Variants in MTCH2 observed in about 807,000 individuals in gnomAD.
MTCH2 encodes the protein mitochondrial carrier 2.
MTCH2 carries 25 observed loss-of-function variants against 50.6 expected under a neutral mutation model. That is an observed-to-expected ratio of 0.49 (90% CI 0.36 to 0.69). MTCH2 has a LOEUF of 0.69. Among genes scored for constraint, MTCH2 ranks in the 30% least tolerant of loss-of-function variants. The pLI is 0.00. For synonymous variants in MTCH2, 106 were observed against 132.0 expected (o/e 0.80, Z 1.35); for missense variants, 273 against 384.4 (o/e 0.71, Z 2.42).
At chr11:47,637,452 G>A (rs73465688) in intron 3 of MTCH2, among the ~76,000 whole-genome samples, 2,071 of 152,126 alleles carry the variant, frequency 0.014, 54 homozygotes, top group African/African-American at 0.047. Flanking sequence ...AGCTGAAATC[G>A]CCTCACTTTC....
At chr11:47,638,545 C>CAAAAAAA (rs59317101) in intron 3 of MTCH2, among the ~76,000 whole-genome samples, 154 bp downstream of exon 3, 7 of 53,044 alleles carry the variant, frequency 1.3e-4, no homozygotes, top group African/African-American at 1.7e-4. Context: ...GACTCCATCT[C>CAAAAAAA]AAAAAAAAAA....
chr11:47,613,368 CAAAAAT>C (rs1372169572), downstream of MTCH2, among the ~76,000 whole-genome samples: 1 of 151,944 alleles, frequency 6.6e-6, no homozygotes, highest in African/African-American at 2.4e-5. Context: ...AAAACAAAAA[CAAAAAT>C]GCCAAAATAG....
At chr11:47,617,096 T>C (rs913760288), downstream of MTCH2, among the ~76,000 whole-genome samples, 3 of 152,128 alleles carry the variant, frequency 2.0e-5, no homozygotes, top group Non-Finnish European at 2.9e-5. Flanking sequence ...TATAGGACTC[T>C]GACTAGACCT....
intron 5 of MTCH2, 60 bp from the exon 6 acceptor site, chr11:47,631,771 G>C (rs371023319): frequency 4.2e-5 from 66 of 1,561,150 alleles, no homozygotes; most frequent in Non-Finnish European, 5.7e-5. Flanking sequence ...ATGCCTGTGA[G>C]AAGGAATGTG....
At position 47,628,896 on chromosome 11, in the gene MTCH2, A is replaced by T. The variant is rs981658094; in HGVS notation, c.633+57T>A. 12 of 1,496,224 alleles carry T rather than the reference A, an allele frequency of 8.0e-6. No individual in the cohort carries two copies. The Admixed American group carries it at 1.4e-4, about 17-fold the overall frequency. The allele number at this position is 1,496,224 out of a possible 1,614,324, so 92.7% of individuals were successfully genotyped here. A position where few individuals can be genotyped will look rare whatever the true frequency, so the allele number is the denominator to read the frequency against. On this transcript the variant is annotated intron_variant, in intron 9 of 12. Coordinates refer to ENST00000302503, the MANE Select transcript of MTCH2 (RefSeq NM_014342.4). ...CCCGGCCCATCTTACTTTAAAAGCT[A>T]ATCTAGCTGCCAGATTAAAGCCAAG...
At chr11:47,630,418 G>A (rs2097301960) in intron 8 of MTCH2, 137 bp downstream of exon 8, 1 of 740,394 alleles carries the variant, frequency 1.4e-6, no homozygotes, top group Admixed American at 2.5e-5. Flanking sequence ...AAAAATAAGG[G>A]GCCTAAATAG....
chr11:47,640,243 C>T (rs981458245), intron 1 of MTCH2, among the ~76,000 whole-genome samples: 5 of 151,904 alleles, frequency 3.3e-5, no homozygotes, highest in East Asian at 2.0e-4. Flanking sequence ...GCAGGACAGT[C>T]GCTTGAACCT....
chr11:47,631,682 A>T lies in MTCH2; in HGVS notation c.399T>A (p.Ala133=). 1.9e-6 allele frequency: 3 copies of T among 1,614,164 alleles called. No homozygotes were observed. The highest frequency in any genetic ancestry group is 2.5e-6 in the Non-Finnish European group (3 of 1,180,008). Reference sequence around the variant, plus strand: ...GGAAGGGATGTGTGATGAGGGTAGCAGCAGAACGAGCGATCATCTCTCGAG... The same window carrying T: ...GGAAGGGATGTGTGATGAGGGTAGCTGCAGAACGAGCGATCATCTCTCGAG... The part of the protein sequence containing the change: ...ETTREMIARS[A]ATLITHPFHV... Residue 133 remains alanine, a synonymous_variant, in exon 6 of 13, where the codon GCT becomes GCA. Coordinates refer to ENST00000302503, the MANE Select transcript of MTCH2 (RefSeq NM_014342.4).
At chr11:47,624,684 A>C (rs1037133071) in intron 11 of MTCH2, among the ~76,000 whole-genome samples, 10 of 152,222 alleles carry the variant, frequency 6.6e-5, no homozygotes, top group African/African-American at 2.4e-4. Context: ...TGTACTCCCA[A>C]CTACTTGGGA....
At chr11:47,635,671 GTTTT>G (rs1217122156) in intron 3 of MTCH2, 100 bp from the exon 4 acceptor site, 12 of 1,104,798 alleles carry the variant, frequency 1.1e-5, no homozygotes. Context: ...ATTAGCTGAA[GTTTT>G]TTTTAAAGTT....
Position 47,639,006 on chromosome 11 carries a change from C to T in MTCH2, c.133G>A (p.Gly45Arg). 6.2e-7 allele frequency: 1 copy of T among 1,613,658 alleles called. No homozygotes were observed. The highest frequency in any genetic ancestry group is 8.5e-7 in the Non-Finnish European group (1 of 1,179,858). ...LPPTIGRNIFGRQVCQLPGLF... is the reference protein window; with the variant it reads ...LPPTIGRNIFRRQVCQLPGLF... ...CCAGGAAGCTGACACACTTGCCGCC[C>T]AAAAATATTTCGTCCTATTGTTGGA... Residue 45 changes from glycine to arginine, a missense_variant, in exon 2 of 13, where the codon GGG becomes AGG. Physicochemically the swap from Gly to Arg is moderately radical, Grantham distance 125 (BLOSUM62 -2). Coordinates refer to ENST00000302503, the MANE Select transcript of MTCH2 (RefSeq NM_014342.4).
intron 3 of MTCH2, among the ~76,000 whole-genome samples, chr11:47,637,967 T>C (rs562098187): frequency 1.3e-5 from 2 of 152,348 alleles, no homozygotes; most frequent in South Asian, 4.1e-4. Flanking sequence ...TTGTTCAGTT[T>C]ACAAAATTAT....
At chr11:47,626,520 A>G (rs1287666416) in intron 10 of MTCH2, among the ~76,000 whole-genome samples, 2 of 152,066 alleles carry the variant, frequency 1.3e-5, no homozygotes, top group Admixed American at 6.6e-5. Flanking sequence ...ATGAAAGCTA[A>G]GCAGTACCAA....
chr11:47,634,769 A>ATTTTTTT (rs139407275), intron 4 of MTCH2, 35 bp from the exon 5 acceptor site: 67 of 739,634 alleles, frequency 9.1e-5, no homozygotes, highest in South Asian at 1.6e-4. Flanking sequence ...AGAGATCTTG[A>ATTTTTTT]TTTTTTTTTT....
At chr11:47,623,376 T>TAAA (rs1159771280) in intron 11 of MTCH2, among the ~76,000 whole-genome samples, 31 of 101,644 alleles carry the variant, frequency 3.0e-4, no homozygotes, top group African/African-American at 1.1e-3. Context: ...AGTCTTTTTT[T>TAAA]AAAAAAAAAA....
intron 1 of MTCH2, among the ~76,000 whole-genome samples, chr11:47,639,637 GA>G (rs1565977890): frequency 6.6e-6 from 1 of 151,336 alleles, no homozygotes. Context: ...TCAGGAGTTC[GA>G]GACCAGTCTG....
intron 5 of MTCH2, among the ~76,000 whole-genome samples, chr11:47,633,019 C>T (rs2097304618): frequency 6.6e-6 from 1 of 150,542 alleles, no homozygotes; most frequent in Admixed American, 6.7e-5. Flanking sequence ...AGTTTTAAGA[C>T]AGCCCTCACC....
chr11:47,620,638 A>G (rs942135252), intron 12 of MTCH2, among the ~76,000 whole-genome samples: 1 of 152,190 alleles, frequency 6.6e-6, no homozygotes, highest in Non-Finnish European at 1.5e-5. Context: ...TGGGCGACAG[A>G]GCTTGTCTCT....
chr11:47,640,931 C>T (rs1166399174), intron 1 of MTCH2, among the ~76,000 whole-genome samples: 1 of 151,858 alleles, frequency 6.6e-6, no homozygotes, highest in Admixed American at 6.6e-5. Flanking sequence ...GAGTTTTGCT[C>T]TGTTGCCCAG....
Sources: gnomAD v4.1 joint callset for allele counts (sites outside exome capture counted in the v4.1 genomes callset) on GRCh38, gnomAD v4.1.1 for gene constraint, MANE v1.5 for transcripts, NCBI Gene and HGNC (gene_info 2026-07-23, HGNC 2026-07-21) for gene names.